SVEP1: variants seen among roughly 807,000 people sequenced by gnomAD.
SVEP1 encodes sushi, von Willebrand factor type A, EGF and pentraxin domain containing 1.
SVEP1 carries 164 observed loss-of-function variants against 367.3 expected under a neutral mutation model. That is an observed-to-expected ratio of 0.45 (90% CI 0.39 to 0.51). The LOEUF (loss-of-function observed/expected upper bound fraction) is 0.51, where lower values mean the gene tolerates loss of function less well. Ranked by LOEUF, SVEP1 falls within the 20% of genes least tolerant of loss-of-function variation. SVEP1 has a pLI of 0.00. For synonymous variants in SVEP1, 1,666 were observed against 1,611.6 expected (o/e 1.03, Z -0.81); for missense variants, 4,117 against 4,425.3 (o/e 0.93, Z 1.98).
intron 5 of SVEP1, among the ~76,000 whole-genome samples, chr9:110,504,970 T>A (rs1285096595): frequency 6.6e-6 from 1 of 152,138 alleles, no homozygotes; most frequent in Non-Finnish European, 1.5e-5. Flanking sequence ...GTGACATGGT[T>A]TTCTTCATCT....
rs754459995 is a variant in SVEP1, at chr9:110,476,296, T to G, written c.2507A>C (p.Asp836Ala). 32 of 1,613,132 alleles carry G rather than the reference T, an allele frequency of 2.0e-5. No homozygotes were observed. In the East Asian group the frequency reaches 6.9e-4, roughly 35 times the overall value. Reference sequence around the variant, plus strand: ...CAGTCTGCAGTCAATGTCCTCTGCATCACTACAAAATGATGGGACCTGCAA... The same window carrying G: ...CAGTCTGCAGTCAATGTCCTCTGCAGCACTACAAAATGATGGGACCTGCAA... ...LGKMVPSFCS[D>A]AEDIDCRLEE... The change falls in exon 14 of 48, where the codon GAT becomes GCT. Residue 836 changes from aspartate to alanine, a missense_variant. Physicochemically the swap from Asp to Ala is moderately radical, Grantham distance 126. Coordinates refer to ENST00000374469, the MANE Select transcript of SVEP1 (RefSeq NM_153366.4).
At chr9:110,418,787 C>A (rs1459312408) in intron 36 of SVEP1, among the ~76,000 whole-genome samples, 5 of 100,916 alleles carry the variant, frequency 5.0e-5, no homozygotes, top group African/African-American at 1.8e-4. Context: ...ACCCTACAAG[C>A]CAGAAGAGAG....
intron 3 of SVEP1, among the ~76,000 whole-genome samples, chr9:110,542,994 A>G (rs1007400631): frequency 2.0e-5 from 3 of 148,312 alleles, no homozygotes; most frequent in Non-Finnish European, 4.5e-5. Context: ...ATATATATAA[A>G]ATAAAAAAAA....
chr9:110,393,457 C>T (rs989802285), intron 40 of SVEP1, among the ~76,000 whole-genome samples: 18 of 152,142 alleles, frequency 1.2e-4, no homozygotes, highest in African/African-American at 3.1e-4. Context: ...ACGCAGAAGA[C>T]GGGTGATTTC....
At chr9:110,391,054 A>C (rs1827647148) in intron 40 of SVEP1, among the ~76,000 whole-genome samples, 1 of 152,152 alleles carries the variant, frequency 6.6e-6, no homozygotes, top group Non-Finnish European at 1.5e-5. Context: ...AATTATAACC[A>C]TAACATTATC....
intron 3 of SVEP1, among the ~76,000 whole-genome samples, chr9:110,540,942 C>T (rs1230738370): frequency 1.3e-5 from 2 of 152,092 alleles, no homozygotes; most frequent in African/African-American, 4.8e-5. Flanking sequence ...CTCAATTAAC[C>T]CAGACCACCA....
chr9:110,484,882 A>G (rs1273382161), intron 9 of SVEP1, among the ~76,000 whole-genome samples: 2 of 152,244 alleles, frequency 1.3e-5, no homozygotes, highest in Non-Finnish European at 2.9e-5. Context: ...AACCACAATG[A>G]GATACCATCT....
intron 20 of SVEP1, 64 bp downstream of exon 20, chr9:110,458,407 T>C (rs1828809184): frequency 1.4e-6 from 2 of 1,393,894 alleles, no homozygotes; most frequent in Non-Finnish European, 2.0e-6. Flanking sequence ...GTGTGTGATG[T>C]GTAAAATGAC....
intron 42 of SVEP1, among the ~76,000 whole-genome samples, 188 bp downstream of exon 42, chr9:110,387,080 TCTGACAAAAGCTGATTC>T (rs1827536442): frequency 6.6e-6 from 1 of 152,220 alleles, no homozygotes; most frequent in South Asian, 2.1e-4. Context: ...ACTCATGGAA[TCTGACAAAAGCTGATTC>T]TCAGACAGGA....
At chr9:110,558,747 T>C (rs763654669) in intron 1 of SVEP1, among the ~76,000 whole-genome samples, 15 of 152,104 alleles carry the variant, frequency 9.9e-5, no homozygotes, top group African/African-American at 2.4e-4. Flanking sequence ...GAAATTCAAA[T>C]TGATAAAGTT....
At chr9:110,430,030 G>A in intron 33 of SVEP1, 26 bp from the exon 34 acceptor site, 1 of 1,604,540 alleles carries the variant, frequency 6.2e-7, no homozygotes, top group Middle Eastern at 1.7e-4. Flanking sequence ...ACAAACACGT[G>A]ACTTTTTTGA....
intron 6 of SVEP1, among the ~76,000 whole-genome samples, chr9:110,500,119 A>C (rs369943337): frequency 1.7e-4 from 26 of 152,078 alleles, no homozygotes; most frequent in East Asian, 1.5e-3. Flanking sequence ...GCTACTAAAC[A>C]CTCCACTATC....
intron 3 of SVEP1, among the ~76,000 whole-genome samples, chr9:110,537,354 G>C (rs1830091974): frequency 6.6e-6 from 1 of 151,982 alleles, no homozygotes; most frequent in Non-Finnish European, 1.5e-5. Context: ...TTATTAAGAA[G>C]TGAATTTTCA....
intron 22 of SVEP1, among the ~76,000 whole-genome samples, chr9:110,453,834 A>C (rs1588061147): frequency 1.3e-5 from 2 of 151,016 alleles, no homozygotes; most frequent in South Asian, 2.1e-4. Flanking sequence ...ATGCCACTGC[A>C]CTCCAGCCTG....
intron 40 of SVEP1, among the ~76,000 whole-genome samples, chr9:110,390,681 C>T (rs66979788): frequency 0.059 from 8,968 of 151,896 alleles, 362 homozygotes; most frequent in African/African-American, 0.11. Context: ...GTCAGTGATT[C>T]TCAGTCCTGG....
chr9:110,479,611 A>T (rs1235080650), intron 13 of SVEP1, 24 bp downstream of exon 13: 1 of 1,578,994 alleles, frequency 6.3e-7, no homozygotes, highest in Non-Finnish European at 8.6e-7. Context: ...AAGAACACAC[A>T]ATAAATGACC....
rs747457780 is a variant in SVEP1 at position 110,406,948 on chromosome 9, G to A, written c.8652C>T (p.Pro2884=). The change falls in exon 38 of 48, where the codon CCC becomes CCT. Residue 2884 remains proline, a synonymous_variant. Coordinates refer to ENST00000374469, the MANE Select transcript of SVEP1 (RefSeq NM_153366.4). ...LANGSWSGAT[P]DCVPVRCATP... ...TGGCACATCTGACAGGCACACAGTC[G>A]GGAGTGGCTCCACTCCAACTTCCAT... is the stretch of plus-strand genomic sequence containing the variant. 6.2e-6 allele frequency: 10 copies of A among 1,613,714 alleles called. No homozygotes were observed. Among genetic ancestry groups the A allele is most frequent in the Admixed American group, 5.0e-5 (3 of 59,996 alleles).
At chr9:110,397,575 G>T (rs906640333) in intron 40 of SVEP1, among the ~76,000 whole-genome samples, 51 of 152,292 alleles carry the variant, frequency 3.3e-4, no homozygotes, top group African/African-American at 1.2e-3. Flanking sequence ...CAGATGACAT[G>T]ATTGTATACC....
At chr9:110,494,065 G>C (rs182518366) in intron 8 of SVEP1, among the ~76,000 whole-genome samples, 8 of 152,312 alleles carry the variant, frequency 5.3e-5, no homozygotes, top group Non-Finnish European at 1.2e-4. Context: ...GGACTCATGT[G>C]ATTAAGTTGG....
Sources: allele counts gnomAD v4.1 joint callset (sites outside exome capture counted in the v4.1 genomes callset), GRCh38; gene constraint gnomAD v4.1.1; transcripts MANE v1.5; gene names NCBI Gene and HGNC (gene_info 2026-07-23, HGNC 2026-07-21).